The following PTPRD variants were observed in gnomAD, a reference collection of about 807,000 sequenced individuals.
The protein encoded by PTPRD is protein tyrosine phosphatase receptor type D.
A neutral mutation model predicts 214.5 loss-of-function variants in PTPRD; 34 were observed. The observed-to-expected ratio is 0.16, with a 90% CI of 0.12 to 0.21. The LOEUF is 0.21. PTPRD is among the 10% of genes least tolerant of loss of function. PTPRD has a pLI of 1.00. For synonymous variants in PTPRD, 1,128 were observed against 845.7 expected, an observed-to-expected ratio of 1.33 and a Z score of -5.79; for missense variants, 2,545 against 2,398.7, an observed-to-expected ratio of 1.06 and a Z score of -1.27.
At chr9:9,911,689 C>A (rs1335323674) in intron 5 of PTPRD, among the ~76,000 whole-genome samples, 1 of 151,872 alleles carries the variant, frequency 6.6e-6, no homozygotes, top group Non-Finnish European at 1.5e-5. Flanking sequence ...ATTCAAAATG[C>A]CAAGTAACTG....
chr9:8,879,672 T>C (rs1350166275), intron 11 of PTPRD, among the ~76,000 whole-genome samples: 1 of 152,198 alleles, frequency 6.6e-6, no homozygotes, highest in Admixed American at 6.5e-5. Context: ...TTTTAATGAT[T>C]TGAAACAGAA....
chr9:9,130,044 C>T (rs1469480563), intron 10 of PTPRD, among the ~76,000 whole-genome samples: 1 of 152,032 alleles, frequency 6.6e-6, no homozygotes, highest in Admixed American at 6.6e-5. Flanking sequence ...TTATACATTG[C>T]TATCATTTTA....
At chr9:10,058,059 G>A (rs1352491913) in intron 3 of PTPRD, among the ~76,000 whole-genome samples, 1 of 152,092 alleles carries the variant, frequency 6.6e-6, no homozygotes, top group Non-Finnish European at 1.5e-5. Flanking sequence ...TATGTGTGTA[G>A]TGCTGAGAAG....
intron 11 of PTPRD, among the ~76,000 whole-genome samples, chr9:8,794,148 A>G (rs1002885536): frequency 6.6e-6 from 1 of 152,222 alleles, no homozygotes; most frequent in African/African-American, 2.4e-5. Context: ...ATTTGTGGAA[A>G]GACATCAGGA....
intron 12 of PTPRD, among the ~76,000 whole-genome samples, chr9:8,679,073 G>A (rs79200319): frequency 0.013 from 1,913 of 152,234 alleles, 44 homozygotes; most frequent in African/African-American, 0.044. Flanking sequence ...GATGGAAACC[G>A]ATAAGAAATG....
chr9:8,834,454 T>C (rs911109088), intron 11 of PTPRD, among the ~76,000 whole-genome samples: 6 of 152,028 alleles, frequency 3.9e-5, no homozygotes, highest in Non-Finnish European at 5.9e-5. Context: ...TCATAAAAAA[T>C]GTTATTAACA....
At chr9:9,448,305 G>A (rs969498912) in intron 8 of PTPRD, among the ~76,000 whole-genome samples, 1 of 152,064 alleles carries the variant, frequency 6.6e-6, no homozygotes, top group Non-Finnish European at 1.5e-5. Context: ...CACACGAGGA[G>A]GGAGGGACCT....
chr9:9,921,471 T>C (rs974787550), intron 5 of PTPRD, among the ~76,000 whole-genome samples: 1 of 151,958 alleles, frequency 6.6e-6, no homozygotes, highest in African/African-American at 2.4e-5. Flanking sequence ...TAATTAATTC[T>C]AGTAAAATAT....
At chr9:9,928,827 G>T (rs2085308053) in intron 5 of PTPRD, among the ~76,000 whole-genome samples, 1 of 151,052 alleles carries the variant, frequency 6.6e-6, no homozygotes. Context: ...TTTGAAGCCA[G>T]TTATTTTCTT....
chr9:8,870,208 C>G (rs2098271650), intron 11 of PTPRD, among the ~76,000 whole-genome samples: 1 of 150,736 alleles, frequency 6.6e-6, no homozygotes, highest in South Asian at 2.1e-4. Flanking sequence ...ATTAGAACAG[C>G]ATAATAGCTA....
chr9:9,849,583 A>C (rs1457115629), intron 5 of PTPRD, among the ~76,000 whole-genome samples: 1 of 152,122 alleles, frequency 6.6e-6, no homozygotes, highest in Admixed American at 6.6e-5. Context: ...GGATTAACAT[A>C]ATGAACTGTT....
At chr9:9,491,745 C>T (rs911019216) in intron 8 of PTPRD, among the ~76,000 whole-genome samples, 2 of 151,556 alleles carry the variant, frequency 1.3e-5, no homozygotes, top group Non-Finnish European at 3.0e-5. Flanking sequence ...AAAATAAAAC[C>T]ACAACATATC....
At chr9:9,886,878 T>G (rs1383973280) in intron 5 of PTPRD, among the ~76,000 whole-genome samples, 1 of 152,110 alleles carries the variant, frequency 6.6e-6, no homozygotes, top group South Asian at 2.1e-4. Context: ...TTAGACTACA[T>G]GGACATAGAA....
rs150551170 is a variant in PTPRD at position 8,687,572 on chromosome 9, G to A, written c.64+46208C>T. ...TGTGACTGAAGTTACAGCCAAGGTC[G>A]GATGGAAGTGTGGGCTCTGTTAGCC... is the stretch of plus-strand genomic sequence containing the variant. On this transcript the variant is annotated intron_variant, in intron 12 of 45. Coordinates refer to ENST00000381196, the MANE Select transcript of PTPRD (RefSeq NM_002839.4). Among the ~76,000 whole-genome samples, 10 of 152,244 alleles carry A rather than the reference G, an allele frequency of 6.6e-5. No homozygotes were observed. The East Asian group carries it at 1.4e-3, about 21-fold the overall frequency.
intron 9 of PTPRD, among the ~76,000 whole-genome samples, chr9:9,381,042 C>G (rs939686603): frequency 2.6e-5 from 4 of 151,902 alleles, no homozygotes; most frequent in African/African-American, 9.7e-5. Context: ...GCATATTTTT[C>G]TTCACTCATT....
intron 4 of PTPRD, among the ~76,000 whole-genome samples, chr9:9,998,301 G>T (rs530729169): frequency 6.6e-6 from 1 of 150,926 alleles, no homozygotes; most frequent in South Asian, 2.1e-4. Flanking sequence ...ATGGGTCCCG[G>T]GGCTCAAACC....
intron 14 of PTPRD, among the ~76,000 whole-genome samples, chr9:8,581,373 C>T (rs954187040): frequency 1.3e-5 from 2 of 152,094 alleles, no homozygotes; most frequent in East Asian, 1.9e-4. Context: ...TGTTTGAACA[C>T]AGTAATTAAA....
chr9:9,622,542 A>C lies in PTPRD; in HGVS notation c.-286-47761T>G, dbSNP rs143703909. Among the ~76,000 whole-genome samples the C allele has an allele frequency of 2.9e-3, 438 of 152,328 alleles. 2 individuals are homozygous for C. Among genetic ancestry groups the C allele is most frequent in the African/African-American group, 9.8e-3 (407 of 41,572 alleles). ...CCACAAAATCTCATACTAACTTATC[A>C]CTGAATTTCTGATACGCTGCATTTC... is the stretch of plus-strand genomic sequence containing the variant. On this transcript the variant is annotated intron_variant, in intron 7 of 45. Coordinates refer to ENST00000381196, the MANE Select transcript of PTPRD (RefSeq NM_002839.4).
intron 11 of PTPRD, among the ~76,000 whole-genome samples, chr9:8,819,825 C>A (rs1279555691): frequency 6.6e-6 from 1 of 152,176 alleles, no homozygotes; most frequent in South Asian, 2.1e-4. Flanking sequence ...ATTCCTTCAA[C>A]TGACATACAA....
Sources: allele counts gnomAD v4.1 joint callset (sites outside exome capture counted in the v4.1 genomes callset), GRCh38; gene constraint gnomAD v4.1.1; transcripts MANE v1.5; gene names NCBI Gene and HGNC (gene_info 2026-07-23, HGNC 2026-07-21).